Variants in FSTL5 observed in about 807,000 individuals in gnomAD.
FSTL5 encodes the protein follistatin-related protein 5.
FSTL5 carries 62 observed loss-of-function variants against 89.1 expected under a neutral mutation model. The ratio of observed to expected loss-of-function variants is 0.70; its 90% CI spans 0.57 to 0.86. The LOEUF is 0.86. Among genes scored for constraint, FSTL5 ranks in the 40% least tolerant of loss-of-function variants. The pLI, the probability that FSTL5 is intolerant of heterozygous loss-of-function variation, is 0.00. For synonymous variants in FSTL5, 383 were observed against 346.2 expected (o/e 1.11, Z -1.18); for missense variants, 1,057 against 1,001.6 (o/e 1.06, Z -0.75).
At chr4:161,778,372 CTTT>C (rs1741499105) in intron 4 of FSTL5, among the ~76,000 whole-genome samples, 1 of 151,968 alleles carries the variant, frequency 6.6e-6, no homozygotes, top group South Asian at 2.1e-4. Context: ...AAAATCCTAA[CTTT>C]ATAATTATGA....
At chr4:162,135,135 G>T (rs1454728225) in intron 1 of FSTL5, among the ~76,000 whole-genome samples, 1 of 152,116 alleles carries the variant, frequency 6.6e-6, no homozygotes. Context: ...TATGGAGCCA[G>T]TCAGAACAAT....
rs563340610 is a variant in FSTL5, at chr4:162,124,443, TA to T, written c.-16-13032del. ...TCTCCTCTTCTCTAGGTAATGAATA[TA>T]AAATTCCCAGTATAACTGGTTGGGC... is the stretch of plus-strand genomic sequence containing the variant. On this transcript the variant is annotated intron_variant, in intron 1 of 15. Coordinates refer to ENST00000306100, the MANE Select transcript of FSTL5 (RefSeq NM_020116.5). 5.9e-5 allele frequency among the ~76,000 whole-genome samples: 9 copies of T among 152,280 alleles called. No individual in the cohort carries two copies. In the East Asian group the frequency reaches 1.7e-3, roughly 29 times the overall value.
chr4:161,722,190 T>G (rs1739241983), intron 6 of FSTL5, among the ~76,000 whole-genome samples: 2 of 152,178 alleles, frequency 1.3e-5, no homozygotes, highest in South Asian at 4.1e-4. Flanking sequence ...ATCCTCTCAA[T>G]GATGTGAAAA....
chr4:162,145,748 T>A (rs1324692533), intron 1 of FSTL5, among the ~76,000 whole-genome samples: 1 of 152,116 alleles, frequency 6.6e-6, no homozygotes, highest in Non-Finnish European at 1.5e-5. Context: ...TTCCATATGC[T>A]CAGATAGTTT....
intron 2 of FSTL5, among the ~76,000 whole-genome samples, chr4:162,083,206 T>C (rs181307993): frequency 8.6e-5 from 13 of 151,928 alleles, no homozygotes; most frequent in East Asian, 7.7e-4. Context: ...TGATTTAACA[T>C]AGTTTTATTG....
intron 6 of FSTL5, among the ~76,000 whole-genome samples, chr4:161,698,342 G>A (rs1738257548): frequency 6.6e-6 from 1 of 152,160 alleles, no homozygotes; most frequent in South Asian, 2.1e-4. Context: ...GAGCAGAATG[G>A]TGATTATTAG....
intron 8 of FSTL5, among the ~76,000 whole-genome samples, chr4:161,580,584 T>C (rs1013166959): frequency 6.6e-6 from 1 of 152,130 alleles, no homozygotes; most frequent in African/African-American, 2.4e-5. Context: ...GATTCTAGTG[T>C]GGACCCCTTG....
At chr4:161,880,681 A>C (rs1163400804) in intron 4 of FSTL5, among the ~76,000 whole-genome samples, 1 of 152,168 alleles carries the variant, frequency 6.6e-6, no homozygotes, top group Non-Finnish European at 1.5e-5. Flanking sequence ...TAAACTGTAC[A>C]ACATTCACAC....
intron 12 of FSTL5, among the ~76,000 whole-genome samples, chr4:161,493,568 T>C (rs1729958363): frequency 6.6e-6 from 1 of 152,068 alleles, no homozygotes; most frequent in Non-Finnish European, 1.5e-5. Flanking sequence ...TCTAATATGA[T>C]AGATTTGTGT....
chr4:161,595,151 G>A (rs1733968442), intron 7 of FSTL5, among the ~76,000 whole-genome samples: 1 of 151,892 alleles, frequency 6.6e-6, no homozygotes, highest in Non-Finnish European at 1.5e-5. Context: ...TATGTATAAA[G>A]ACATATCAAG....
intron 8 of FSTL5, among the ~76,000 whole-genome samples, chr4:161,543,787 C>CTATAAATGTAGGAGCTA (rs1731913387): frequency 6.6e-6 from 1 of 151,908 alleles, no homozygotes; most frequent in Non-Finnish European, 1.5e-5. Context: ...AATGTAGGAG[C>CTATAAATGTAGGAGCTA]TAAAACAATA....
intron 4 of FSTL5, among the ~76,000 whole-genome samples, chr4:161,882,262 G>A (rs1464729862): frequency 6.6e-6 from 1 of 151,972 alleles, no homozygotes; most frequent in Admixed American, 6.6e-5. Context: ...CAGCAGTAAT[G>A]GACTTTAAGC....
At chr4:161,645,546 A>G (rs1186655591) in intron 7 of FSTL5, among the ~76,000 whole-genome samples, 2 of 152,176 alleles carry the variant, frequency 1.3e-5, no homozygotes, top group Non-Finnish European at 2.9e-5. Context: ...ATCAGGAGTA[A>G]AAAGTTATTT....
At chr4:162,100,424 G>A (rs1730949487) in intron 2 of FSTL5, among the ~76,000 whole-genome samples, 1 of 152,116 alleles carries the variant, frequency 6.6e-6, no homozygotes, top group African/African-American at 2.4e-5. Flanking sequence ...TCCAGGTGTG[G>A]TGAGGAAATT....
At chr4:161,931,229 T>C (rs193084375) in intron 3 of FSTL5, among the ~76,000 whole-genome samples, 102 of 152,000 alleles carry the variant, frequency 6.7e-4, no homozygotes, top group African/African-American at 2.4e-3. Context: ...TTAGGATGTG[T>C]CACTGGGACC....
intron 4 of FSTL5, among the ~76,000 whole-genome samples, chr4:161,854,859 C>A (rs927610732): frequency 6.6e-6 from 1 of 151,696 alleles, no homozygotes; most frequent in Non-Finnish European, 1.5e-5. Flanking sequence ...AAATATATTA[C>A]CCAAATTAAA....
At chr4:162,039,466 C>T (rs1399860849) in intron 2 of FSTL5, among the ~76,000 whole-genome samples, 1 of 151,878 alleles carries the variant, frequency 6.6e-6, no homozygotes, top group Non-Finnish European at 1.5e-5. Context: ...AAAATTTCTT[C>T]TATCTCATTG....
intron 3 of FSTL5, among the ~76,000 whole-genome samples, chr4:161,951,686 A>G (rs1389047798): frequency 6.6e-6 from 1 of 152,134 alleles, no homozygotes; most frequent in Non-Finnish European, 1.5e-5. Flanking sequence ...CATATTATAC[A>G]TAATTGTATA....
intron 8 of FSTL5, among the ~76,000 whole-genome samples, chr4:161,564,237 A>G (rs1732719000): frequency 6.6e-6 from 1 of 151,206 alleles, no homozygotes; most frequent in Admixed American, 6.6e-5. Flanking sequence ...GTGTACATAT[A>G]TATGTACACA....
Sources: allele counts gnomAD v4.1 joint callset (sites outside exome capture counted in the v4.1 genomes callset), GRCh38; gene constraint gnomAD v4.1.1; transcripts MANE v1.5; gene names NCBI Gene and HGNC (gene_info 2026-07-23, HGNC 2026-07-21).